Variants in CACNA2D3 observed in about 807,000 individuals in gnomAD.
CACNA2D3 encodes the protein voltage-dependent calcium channel subunit alpha-2/delta-3.
In CACNA2D3, 60 loss-of-function variants were observed where a neutral mutation model predicts 160.6. That is an observed-to-expected ratio of 0.37 (90% CI 0.30 to 0.46). The LOEUF is 0.46. Ranked by LOEUF, CACNA2D3 falls within the 20% of genes least tolerant of loss-of-function variation. The probability of loss-of-function intolerance (pLI) is 1.00; values close to 1 mark genes in which losing one functional copy is unlikely to be tolerated. For missense variants in CACNA2D3, 1,205 were observed against 1,365.0 expected (o/e 0.88, Z 1.85); for synonymous variants, 558 against 492.9 (o/e 1.13, Z -1.75).
intron 27 of CACNA2D3, among the ~76,000 whole-genome samples, chr3:54,901,905 C>T (rs758463293): frequency 6.6e-6 from 1 of 152,198 alleles, no homozygotes; most frequent in African/African-American, 2.4e-5. Context: ...CTGACTCTGA[C>T]TCAACCATCA....
At chr3:54,946,844 T>A (rs901338150) in intron 27 of CACNA2D3, among the ~76,000 whole-genome samples, 1 of 152,094 alleles carries the variant, frequency 6.6e-6, no homozygotes, top group African/African-American at 2.4e-5. Flanking sequence ...ATGGGACCAT[T>A]TAGTCCCTGA....
intron 9 of CACNA2D3, among the ~76,000 whole-genome samples, chr3:54,620,961 T>C (rs943083302): frequency 5.9e-5 from 9 of 152,252 alleles, no homozygotes; most frequent in Non-Finnish European, 1.5e-5. Flanking sequence ...CTTGGAGGGC[T>C]TGGTGACGTG....
chr3:54,990,425 G>A (rs1702713491), intron 31 of CACNA2D3, among the ~76,000 whole-genome samples: 1 of 152,150 alleles, frequency 6.6e-6, no homozygotes, highest in African/African-American at 2.4e-5. Context: ...TAGCTAATTG[G>A]GAGGCTGAGG....
In CACNA2D3 at chr3:54,752,599, G is replaced by A; in HGVS notation, c.1168G>A (p.Val390Ile). ...AGCCATGCGTTTGTCTTCCCTTCAG[G>A]TTCGCATCTTCACATACCTCATTGG... ...FAKYNWPDRKVRIFTYLIGRE... is the reference protein window; with the variant it reads ...FAKYNWPDRKIRIFTYLIGRE... The change falls in exon 12 of 38, where the codon GTT becomes ATT. Residue 390 changes from valine to isoleucine, a missense_variant and splice_region_variant. Coordinates refer to ENST00000474759, the MANE Select transcript of CACNA2D3 (RefSeq NM_018398.3). 6.2e-7 allele frequency: 1 copy of A among 1,612,694 alleles called. No homozygotes were observed. The highest frequency in any genetic ancestry group is 1.1e-5 in the South Asian group (1 of 90,692).
chr3:54,276,471 G>T (rs1559904896), intron 2 of CACNA2D3, among the ~76,000 whole-genome samples: 1 of 151,904 alleles, frequency 6.6e-6, no homozygotes, highest in Non-Finnish European at 1.5e-5. Context: ...TACTTGGGAG[G>T]CTGAGGCAGG....
intron 17 of CACNA2D3, among the ~76,000 whole-genome samples, chr3:54,852,258 T>C (rs1030533585): frequency 3.9e-5 from 6 of 152,220 alleles, no homozygotes; most frequent in Non-Finnish European, 7.3e-5. Flanking sequence ...TAGTTTGGCC[T>C]GGAAACTCTG....
At chr3:54,622,375 A>G (rs1699006828) in intron 9 of CACNA2D3, among the ~76,000 whole-genome samples, 1 of 152,158 alleles carries the variant, frequency 6.6e-6, no homozygotes, top group Non-Finnish European at 1.5e-5. Context: ...TCCCGGGTTC[A>G]CGCCATTCTT....
chr3:54,466,616 C>CT (rs1334265025), intron 4 of CACNA2D3, among the ~76,000 whole-genome samples: 20 of 152,086 alleles, frequency 1.3e-4, no homozygotes, highest in African/African-American at 4.3e-4. Flanking sequence ...AAGTTACTTA[C>CT]TTTTTTAAAA....
chr3:54,944,814 GGTGTGT>G (rs34193625), intron 27 of CACNA2D3, among the ~76,000 whole-genome samples: 2,759 of 111,406 alleles, frequency 0.025, 44 homozygotes, highest in Middle Eastern at 0.068. Flanking sequence ...TAGAGCTGGG[GGTGTGT>G]GTGTGTGTGT....
intron 4 of CACNA2D3, among the ~76,000 whole-genome samples, chr3:54,403,094 C>T (rs1486438579): frequency 2.0e-5 from 3 of 152,208 alleles, no homozygotes; most frequent in Non-Finnish European, 4.4e-5. Flanking sequence ...GGCACAGTGG[C>T]TCACACCTAT....
At chr3:54,943,404 A>G (rs919349100) in intron 27 of CACNA2D3, among the ~76,000 whole-genome samples, 1 of 152,084 alleles carries the variant, frequency 6.6e-6, no homozygotes. Context: ...CCTTTAATAC[A>G]TGGTGCTTTG....
chr3:54,916,332 T>C (rs900617727), intron 27 of CACNA2D3, among the ~76,000 whole-genome samples: 2 of 151,820 alleles, frequency 1.3e-5, no homozygotes, highest in African/African-American at 4.8e-5. Context: ...GAAAGAAAGG[T>C]TTTTTCACTT....
At chr3:55,029,368 TA>T (rs1325540114) in intron 35 of CACNA2D3, among the ~76,000 whole-genome samples, 1 of 152,104 alleles carries the variant, frequency 6.6e-6, no homozygotes, top group Admixed American at 6.6e-5. Context: ...TGTGTGGGTT[TA>T]AAAAAAGATG....
At chr3:54,924,429 G>A (rs1368470790) in intron 27 of CACNA2D3, among the ~76,000 whole-genome samples, 1 of 151,996 alleles carries the variant, frequency 6.6e-6, no homozygotes, top group Non-Finnish European at 1.5e-5. Context: ...GATTAATTTC[G>A]AACCTGAATT....
chr3:54,830,913 C>T (rs957318541), intron 14 of CACNA2D3, among the ~76,000 whole-genome samples: 2 of 152,160 alleles, frequency 1.3e-5, no homozygotes, highest in South Asian at 2.1e-4. Flanking sequence ...TGAAGTTCCT[C>T]GCAGGTGTTG....
At chr3:54,662,460 G>C (rs1173685655) in intron 11 of CACNA2D3, among the ~76,000 whole-genome samples, 1 of 152,218 alleles carries the variant, frequency 6.6e-6, no homozygotes, top group Non-Finnish European at 1.5e-5. Context: ...TAGGCACCAA[G>C]TGCCTGACTT....
chr3:54,825,585 C>G (rs890090625), intron 14 of CACNA2D3, among the ~76,000 whole-genome samples: 4 of 152,214 alleles, frequency 2.6e-5, no homozygotes, highest in African/African-American at 9.6e-5. Flanking sequence ...ATGTATGAAT[C>G]TACACTTTAT....
At chr3:54,804,974 G>A (rs1703083012) in intron 13 of CACNA2D3, among the ~76,000 whole-genome samples, 2 of 152,174 alleles carry the variant, frequency 1.3e-5, no homozygotes, top group Admixed American at 6.5e-5. Context: ...CGAAATGAAG[G>A]CAGAAATAAA....
intron 3 of CACNA2D3, among the ~76,000 whole-genome samples, chr3:54,338,865 C>T (rs1411078935): frequency 6.6e-6 from 1 of 152,110 alleles, no homozygotes; most frequent in Non-Finnish European, 1.5e-5. Flanking sequence ...GAACACACGC[C>T]AAAGCCCATT....
Sources: gnomAD v4.1 joint callset for allele counts (sites outside exome capture counted in the v4.1 genomes callset) on GRCh38, gnomAD v4.1.1 for gene constraint, MANE v1.5 for transcripts, NCBI Gene and HGNC (gene_info 2026-07-23, HGNC 2026-07-21) for gene names.